DPP6: variants seen among roughly 807,000 people sequenced by gnomAD.
DPP6 encodes dipeptidyl peptidase like 6, also known as A-type potassium channel modulatory protein DPP6.
Under a neutral mutation model 122.6 loss-of-function variants are expected in DPP6, and 69 were observed. The observed-to-expected ratio is 0.56, with a 90% confidence interval of 0.46 to 0.69. The LOEUF (loss-of-function observed/expected upper bound fraction) is 0.69, where lower values mean the gene tolerates loss of function less well. DPP6 is among the 30% of genes least tolerant of loss of function. The pLI is 0.00. For missense variants in DPP6, 928 were observed against 1,116.9 expected (o/e 0.83, Z 2.41); for synonymous variants, 418 against 433.1 (o/e 0.97, Z 0.43).
intron 1 of DPP6, among the ~76,000 whole-genome samples, chr7:154,068,418 A>G (rs544288130): frequency 2.6e-4 from 38 of 147,374 alleles, no homozygotes; most frequent in African/African-American, 8.9e-4. Context: ...TGGGAAGAAG[A>G]TGCTGTTAGA....
At chr7:153,793,873 G>A in the DPP6 span, among the ~76,000 whole-genome samples, 2 of 152,054 alleles carry the variant, frequency 1.3e-5, no homozygotes, top group African/African-American at 4.8e-5. Context: ...TAGAACTCGG[G>A]CCGTAGCCTC....
intron 1 of DPP6, among the ~76,000 whole-genome samples, chr7:154,369,631 G>C (rs1056762805): frequency 6.6e-6 from 1 of 152,200 alleles, no homozygotes. Context: ...CTCCCAAAGT[G>C]CTGGGATTAC....
chr7:154,060,388 C>G (rs1451224710), intron 1 of DPP6, among the ~76,000 whole-genome samples: 55 of 103,004 alleles, frequency 5.3e-4, no homozygotes, highest in South Asian at 6.7e-4. Context: ...CCCCCACTGG[C>G]TCTTAGGACC....
the DPP6 span, among the ~76,000 whole-genome samples, chr7:153,808,346 CGT>C: frequency 2.1e-5 from 3 of 144,554 alleles, no homozygotes; most frequent in Admixed American, 6.9e-5. Flanking sequence ...TGTGTTTGCA[CGT>C]GTGTGTGTGG....
intron 7 of DPP6, among the ~76,000 whole-genome samples, chr7:154,702,872 A>G (rs1486259665): frequency 3.3e-5 from 5 of 152,372 alleles, no homozygotes; most frequent in South Asian, 2.1e-4. Flanking sequence ...AGATGATGCC[A>G]TCTAGGACTT....
At chr7:154,656,111 A>G (rs1271813727) in intron 6 of DPP6, among the ~76,000 whole-genome samples, 1 of 150,548 alleles carries the variant, frequency 6.6e-6, no homozygotes, top group Non-Finnish European at 1.5e-5. Context: ...CACGCCCAGG[A>G]CACTGGATTT....
intron 1 of DPP6, among the ~76,000 whole-genome samples, chr7:153,940,437 G>A (rs1226814116): frequency 6.6e-6 from 1 of 152,148 alleles, no homozygotes; most frequent in Non-Finnish European, 1.5e-5. Context: ...AATAGACTAA[G>A]AATTACTTGT....
chr7:154,273,635 C>G (rs954774379), intron 1 of DPP6, among the ~76,000 whole-genome samples: 2 of 152,148 alleles, frequency 1.3e-5, no homozygotes, highest in Non-Finnish European at 2.9e-5. Context: ...GATTGTGCCC[C>G]ATTTTGTTAA....
At chr7:153,844,464 C>T in the DPP6 span, among the ~76,000 whole-genome samples, 1 of 152,232 alleles carries the variant, frequency 6.6e-6, no homozygotes, top group Admixed American at 6.5e-5. Flanking sequence ...TTAGATAACC[C>T]CTCAGAGATA....
At chr7:153,896,217 C>T (rs1185823584) in intron 1 of DPP6, among the ~76,000 whole-genome samples, 2 of 152,198 alleles carry the variant, frequency 1.3e-5, no homozygotes, top group African/African-American at 4.8e-5. Flanking sequence ...ATATAAACAA[C>T]TTTTAGTAAA....
At chr7:153,874,358 C>A in the DPP6 span, among the ~76,000 whole-genome samples, 1 of 151,842 alleles carries the variant, frequency 6.6e-6, no homozygotes, top group Admixed American at 6.6e-5. Flanking sequence ...AAAACTAAAT[C>A]ATAAAATACA....
rs1161441800 is a variant in DPP6 at position 154,833,810 on chromosome 7, T to G, written c.1667-19970T>G. 6.6e-6 allele frequency among the ~76,000 whole-genome samples: 1 copy of G among 152,120 alleles called. No homozygotes were observed. Among genetic ancestry groups the G allele is most frequent in the Non-Finnish European group, 1.5e-5 (1 of 68,018 alleles). On this transcript the variant is annotated intron_variant, in intron 16 of 25. Coordinates refer to ENST00000377770, the MANE Select transcript of DPP6 (RefSeq NM_130797.4). The surrounding 1 kb of genome is among the most constrained non-coding windows in gnomAD (Gnocchi z 4.3). ...AAAGATTCTCATAGACAAAGGAAAT[T>G]TAAGGACAAAGGAAAATTATGTGGA...
chr7:154,227,347 T>TA (rs1357521010), intron 1 of DPP6, among the ~76,000 whole-genome samples: 1 of 151,958 alleles, frequency 6.6e-6, no homozygotes, highest in African/African-American at 2.4e-5. Flanking sequence ...GAAAGACAGA[T>TA]ATGACATGAT....
At chr7:154,260,387 C>CTA (rs1223417651) in intron 1 of DPP6, among the ~76,000 whole-genome samples, 2 of 152,046 alleles carry the variant, frequency 1.3e-5, no homozygotes, top group Non-Finnish European at 2.9e-5. Flanking sequence ...TTTGGTGCAC[C>CTA]TATCGCCCAA....
intron 6 of DPP6, among the ~76,000 whole-genome samples, chr7:154,667,232 T>C (rs1281460933): frequency 1.3e-5 from 2 of 152,172 alleles, no homozygotes; most frequent in African/African-American, 4.8e-5. Flanking sequence ...ATTAGCCATG[T>C]GTTGTAAATA....
At chr7:154,627,011 T>C (rs1188241554) in intron 5 of DPP6, among the ~76,000 whole-genome samples, 6 of 111,156 alleles carry the variant, frequency 5.4e-5, no homozygotes, top group South Asian at 3.5e-4. Flanking sequence ...TTTTTTTTTT[T>C]TTTTTTTTTT....
chr7:154,177,332 T>TA lies in DPP6; in HGVS notation c.243+124277dup, dbSNP rs199522873. On this transcript the variant is annotated intron_variant, in intron 1 of 25. Transcript: ENST00000377770. Reference sequence around the variant, plus strand: ...AATTAGCTTTACCAATGAGATATGGTAAAAAAAAGAAGTATAAGTGATGAA... The same window carrying TA: ...AATTAGCTTTACCAATGAGATATGGTAAAAAAAAAGAAGTATAAGTGATGAA... Among the ~76,000 whole-genome samples, 581 of 151,922 alleles carry TA rather than the reference T, an allele frequency of 3.8e-3. 1 individual carries two copies. The highest frequency in any genetic ancestry group is 6.5e-3 in the Non-Finnish European group (439 of 67,936).
At chr7:154,885,503 G>A in intron 21 of DPP6, 130 bp from the exon 22 acceptor site, 1 of 1,304,126 alleles carries the variant, frequency 7.7e-7, no homozygotes, top group South Asian at 1.6e-5. Context: ...AACTTTCCAA[G>A]TGACACATTT....
chr7:153,837,455 G>A, the DPP6 span, among the ~76,000 whole-genome samples: 1 of 152,152 alleles, frequency 6.6e-6, no homozygotes, highest in African/African-American at 2.4e-5. Flanking sequence ...AATTCACTTA[G>A]CTAATCAATA....
Sources: allele counts gnomAD v4.1 joint callset (sites outside exome capture counted in the v4.1 genomes callset), GRCh38; gene constraint gnomAD v4.1.1; non-coding constraint Gnocchi (gnomAD v3.1); transcripts MANE v1.5; gene names NCBI Gene and HGNC (gene_info 2026-07-23, HGNC 2026-07-21).